Variants in ZNF292 observed in about 807,000 individuals in gnomAD.
The protein encoded by ZNF292 is 16 zinc-finger domain protein.
A neutral mutation model predicts 217.9 loss-of-function variants in ZNF292; 26 were observed. The ratio of observed to expected loss-of-function variants is 0.12; its 90% CI spans 0.09 to 0.17. The LOEUF (loss-of-function observed/expected upper bound fraction) is 0.17. Ranked by LOEUF, ZNF292 falls within the 10% of genes least tolerant of loss-of-function variation. The pLI is 1.00. For synonymous variants in ZNF292, 1,257 were observed against 1,124.1 expected, an observed-to-expected ratio of 1.12 and a Z score of -2.37; for missense variants, 2,904 against 3,175.2, an observed-to-expected ratio of 0.91 and a Z score of 2.05.
chr6:87,230,516 G>A (rs971032681), intron 4 of ZNF292, among the ~76,000 whole-genome samples: 2 of 151,974 alleles, frequency 1.3e-5, no homozygotes, highest in South Asian at 2.1e-4. Context: ...GGCGGATCAC[G>A]AGGTCAGGAT....
intron 1 of ZNF292, among the ~76,000 whole-genome samples, chr6:87,171,731 G>A (rs1174672150): frequency 6.6e-6 from 1 of 152,100 alleles, no homozygotes; most frequent in African/African-American, 2.4e-5. Flanking sequence ...ATGTCAGCTT[G>A]GACTAGTTAA....
intron 1 of ZNF292, chr6:87,169,868 G>A: frequency 1.3e-5 from 3 of 224,784 alleles, no homozygotes; most frequent in Non-Finnish European, 2.8e-5. Flanking sequence ...GACTGGTCTT[G>A]ATCTCCTGGG....
intron 1 of ZNF292, chr6:87,174,083 GCT>G: frequency 5.0e-6 from 1 of 201,658 alleles, no homozygotes; most frequent in South Asian, 8.7e-5. Context: ...CACCTAAAAG[GCT>G]CTCAGAATAG....
intron 1 of ZNF292, among the ~76,000 whole-genome samples, chr6:87,180,191 T>C (rs1041313684): frequency 1.3e-5 from 2 of 152,206 alleles, no homozygotes; most frequent in African/African-American, 4.8e-5. Flanking sequence ...AACAAAAACC[T>C]TATTTACAAA....
chr6:87,217,804 C>CT (rs1772865623), intron 3 of ZNF292, among the ~76,000 whole-genome samples: 1 of 152,062 alleles, frequency 6.6e-6, no homozygotes, highest in African/African-American at 2.4e-5. Flanking sequence ...TAGCATGCAG[C>CT]TTTAAGAGTT....
At chr6:87,155,835 A>C in intron 1 of ZNF292, 76 bp downstream of exon 1, 1 of 1,443,728 alleles carries the variant, frequency 6.9e-7, no homozygotes, top group African/African-American at 1.4e-5. Flanking sequence ...TAGGCGGCCG[A>C]GAGGTGGTCG....
chr6:87,227,688 T>A (rs1394501215), intron 4 of ZNF292, among the ~76,000 whole-genome samples: 9 of 152,220 alleles, frequency 5.9e-5, no homozygotes, highest in Non-Finnish European at 2.9e-5. Flanking sequence ...CAGTATCATA[T>A]CATATTTTTC....
chr6:87,261,253 A>G lies in ZNF292; in HGVS notation c.7624A>G (p.Asn2542Asp), dbSNP rs1439465793. 1 of 1,610,368 alleles carries G rather than the reference A, an allele frequency of 6.2e-7. No homozygotes were observed. The highest frequency in any genetic ancestry group is 8.5e-7 in the Non-Finnish European group (1 of 1,178,952). ...RVNKEKNVSQ[N>D]KKRKVEKAEP... ...TAATAAGGAAAAAAATGTCTCACAAAATAAAAAAAGGAAAGTTGAAAAAGC... is the reference window on the plus strand; with the variant it reads ...TAATAAGGAAAAAAATGTCTCACAAGATAAAAAAAGGAAAGTTGAAAAAGC... The change falls in exon 8 of 8, where the codon AAT becomes GAT. Residue 2542 changes from asparagine (N) to aspartate (D), a missense_variant. Transcript: ENST00000369577.
At chr6:87,182,169 GT>G (rs1186701420) in intron 1 of ZNF292, among the ~76,000 whole-genome samples, 1 of 152,170 alleles carries the variant, frequency 6.6e-6, no homozygotes, top group Non-Finnish European at 1.5e-5. Flanking sequence ...TGTAAATGCA[GT>G]TATTCACTCT....
rs1775753523 is a variant in ZNF292 at position 87,264,567 on chromosome 6, T to G, written c.*2766T>G. Among the ~76,000 whole-genome samples the G allele has an allele frequency of 6.6e-6, 1 of 152,128 alleles. No homozygotes were observed. Among genetic ancestry groups the G allele is most frequent in the Admixed American group, 6.6e-5 (1 of 15,264 alleles). The stretch of plus-strand genomic sequence containing the variant: ...GGAGGTAGGTAGTTGGGAAAGTCTT[T>G]GTAGAAAATATGAGTTTTGAAAGAT... On this transcript the variant is annotated 3_prime_UTR_variant, in exon 8 of 8. Transcript: ENST00000369577.
At chr6:87,239,230 G>A (rs1044339321) in intron 5 of ZNF292, among the ~76,000 whole-genome samples, 2 of 151,644 alleles carry the variant, frequency 1.3e-5, no homozygotes, top group Non-Finnish European at 2.9e-5. Context: ...CGGGCAGAGG[G>A]GCTCCTCAAT....
At chr6:87,186,852 T>A (rs1295092017) in intron 1 of ZNF292, among the ~76,000 whole-genome samples, 4 of 152,228 alleles carry the variant, frequency 2.6e-5, no homozygotes, top group African/African-American at 7.2e-5. Flanking sequence ...TCTTTTGTTA[T>A]AGTTGTTCCT....
In ZNF292 at chr6:87,233,448, T is replaced by C. The variant is rs754936498; in HGVS notation, c.662T>C (p.Ile221Thr). The C allele has an allele frequency of 6.2e-7, 1 of 1,613,660 alleles. No homozygotes were observed. The highest frequency in any genetic ancestry group is 1.1e-5 in the South Asian group (1 of 91,060). ...LAKLCSDHPE[I>T]GIKGSFKQTY... ...AAGCTGTGTTCTGACCATCCAGAGA[T>C]TGGCATAAAAGGTAGTTTTAAGCAA... Residue 221 changes from isoleucine to threonine, a missense_variant, in exon 5 of 8, where the codon ATT becomes ACT. By Grantham distance (89) the Ile-to-Thr change is moderately conservative. Around this residue, in one of 15 missense-constraint regions of ZNF292, gnomAD observed 313 missense variants for 451.0 expected, o/e 0.69. Transcript: ENST00000369577.
At chr6:87,210,981 A>G (rs1294807411) in intron 1 of ZNF292, among the ~76,000 whole-genome samples, 1 of 152,206 alleles carries the variant, frequency 6.6e-6, no homozygotes, top group African/African-American at 2.4e-5. Context: ...TGACTTCTAA[A>G]TATTAGAAAC....
At chr6:87,209,567 A>C (rs1772395486) in intron 1 of ZNF292, among the ~76,000 whole-genome samples, 1 of 152,190 alleles carries the variant, frequency 6.6e-6, no homozygotes, top group African/African-American at 2.4e-5. Flanking sequence ...GAGTTTTCCA[A>C]AGTTTACATG....
At chr6:87,248,170 G>A (rs1774704922) in intron 7 of ZNF292, among the ~76,000 whole-genome samples, 1 of 152,156 alleles carries the variant, frequency 6.6e-6, no homozygotes, top group Admixed American at 6.5e-5. Flanking sequence ...ATGATAACAA[G>A]AAGTATTTTT....
intron 4 of ZNF292, among the ~76,000 whole-genome samples, chr6:87,225,755 TA>T (rs1211161935): frequency 3.9e-5 from 6 of 152,212 alleles, no homozygotes; most frequent in Admixed American, 3.9e-4. Flanking sequence ...TCACTTATTC[TA>T]TGGTGTGTTC....
At chr6:87,230,311 G>C (rs756189330) in intron 4 of ZNF292, among the ~76,000 whole-genome samples, 1 of 152,192 alleles carries the variant, frequency 6.6e-6, no homozygotes, top group Non-Finnish European at 1.5e-5. Context: ...GGGGAATCTA[G>C]GACCTAGTGT....
At chr6:87,250,036 AC>A (rs68105012) in intron 7 of ZNF292, among the ~76,000 whole-genome samples, 37,881 of 133,590 alleles carry the variant, frequency 0.28, 5,784 homozygotes, top group Admixed American at 0.35. Flanking sequence ...AAAAAAAAAA[AC>A]AAAAAAAAAA....
Sources: gnomAD v4.1 joint callset for allele counts (sites outside exome capture counted in the v4.1 genomes callset) on GRCh38, gnomAD v4.1.1 for gene constraint, gnomAD v4.1.1 regional missense constraint, MANE v1.5 for transcripts, NCBI Gene and HGNC (gene_info 2026-07-23, HGNC 2026-07-21) for gene names.